The following PHF2 variants were observed in gnomAD, a reference collection of about 807,000 sequenced individuals.
The protein encoded by PHF2 is lysine-specific demethylase PHF2.
In PHF2, 27 loss-of-function variants were observed where a neutral mutation model predicts 120.5. The observed-to-expected ratio is 0.22, with a 90% CI of 0.17 to 0.31. PHF2 has a LOEUF of 0.31. Ranked by LOEUF, PHF2 falls within the 10% of genes least tolerant of loss-of-function variation. The pLI, the probability that PHF2 is intolerant of heterozygous loss-of-function variation, is 1.00. For missense variants in PHF2, 1,024 were observed against 1,434.8 expected, an observed-to-expected ratio of 0.71 and a Z score of 4.63; for synonymous variants, 568 against 592.5, an observed-to-expected ratio of 0.96 and a Z score of 0.60.
rs750218252 is a variant in PHF2, at chr9:93,620,902, C to T, written c.99-9068C>T. 2.2e-4 allele frequency among the ~76,000 whole-genome samples: 34 copies of T among 152,264 alleles called. 1 individual carries two copies. The highest frequency in any genetic ancestry group is 3.7e-4 in the Non-Finnish European group (25 of 68,042). ...TAAATGCCCAGTGTCGGCAAACAGTCTCTTCTGTGAGAACAGGATGGCCCC... is the reference window on the plus strand; with the variant it reads ...TAAATGCCCAGTGTCGGCAAACAGTTTCTTCTGTGAGAACAGGATGGCCCC... On this transcript the variant is annotated intron_variant, in intron 1 of 21. Coordinates refer to ENST00000359246, the MANE Select transcript of PHF2 (RefSeq NM_005392.4).
chr9:93,674,967 T>TA lies in PHF2; in HGVS notation c.2669dup (p.Ser891ValfsTer33). 6.2e-7 allele frequency: 1 copy of TA among 1,613,862 alleles called. No individual in the cohort carries two copies. Among genetic ancestry groups the TA allele is most frequent in the Non-Finnish European group, 8.5e-7 (1 of 1,179,934 alleles). On this transcript the variant is annotated frameshift_variant, in exon 19 of 22. Transcript: ENST00000359246. LOFTEE classifies it high-confidence loss of function. The stretch of plus-strand genomic sequence containing the variant: ...AGTCAGATGAAGACAACCCCATCTT[T>TA]AAGTCCCGGTCGAAGAAAAGGAAAG...
chr9:93,637,883 G>A (rs893279565), intron 3 of PHF2, among the ~76,000 whole-genome samples: 9 of 152,140 alleles, frequency 5.9e-5, no homozygotes, highest in Admixed American at 2.0e-4. Context: ...CAGGTTCCCC[G>A]TTTTACCTTC....
At chr9:93,619,509 C>T (rs1324214352) in intron 1 of PHF2, among the ~76,000 whole-genome samples, 3 of 152,234 alleles carry the variant, frequency 2.0e-5, no homozygotes, top group Admixed American at 1.3e-4. Context: ...TGCGGGCCTT[C>T]ACCAGGCTGG....
At chr9:93,657,861 G>A (rs1474989890) in intron 9 of PHF2, among the ~76,000 whole-genome samples, 1 of 152,166 alleles carries the variant, frequency 6.6e-6, no homozygotes, top group Non-Finnish European at 1.5e-5. Flanking sequence ...CTGGGGTATT[G>A]GGCAGAGTGA....
intron 13 of PHF2, among the ~76,000 whole-genome samples, 178 bp downstream of exon 13, chr9:93,663,204 G>GGACT (rs1487500909): frequency 6.6e-6 from 1 of 152,122 alleles, no homozygotes; most frequent in African/African-American, 2.4e-5. Flanking sequence ...GACCACCCAT[G>GGACT]GACTACATCT....
At chr9:93,661,512 T>A (rs1351776231) in intron 12 of PHF2, among the ~76,000 whole-genome samples, 1 of 152,046 alleles carries the variant, frequency 6.6e-6, no homozygotes, top group Non-Finnish European at 1.5e-5. Context: ...GTTGAATGGA[T>A]TAACGAATGG....
intron 3 of PHF2, among the ~76,000 whole-genome samples, chr9:93,641,688 C>A (rs1471363731): frequency 3.3e-5 from 5 of 152,212 alleles, no homozygotes; most frequent in African/African-American, 1.2e-4. Context: ...TTTACATATT[C>A]TAGATACTTG....
chr9:93,617,699 G>A (rs1215538217), intron 1 of PHF2, among the ~76,000 whole-genome samples: 2 of 152,170 alleles, frequency 1.3e-5, no homozygotes, highest in African/African-American at 2.4e-5. Context: ...TCCCACAATA[G>A]GCCATCTGCA....
Position 93,658,190 on chromosome 9 carries a change from G to A in PHF2, c.1193G>A (p.Gly398Glu). ...CAGCTGCCCCCTCATCTAGTCCAAG[G>A]AGCTAAAATTCTCAATGGTGCTTTC... The part of the protein sequence containing the change: ...GKQLPPHLVQ[G>E]AKILNGAFRS... Residue 398 changes from glycine to glutamate, a missense_variant, in exon 10 of 22, where the codon GGA (glycine) becomes GAA (glutamate). Gly to Glu is a moderately conservative substitution (Grantham distance 98). Around this residue, in one of 2 missense-constraint regions of PHF2, gnomAD observed 347 missense variants for 577.4 expected, o/e 0.60. Transcript: ENST00000359246. 1.2e-6 allele frequency: 2 copies of A among 1,613,368 alleles called. No homozygotes were observed. Among genetic ancestry groups the A allele is most frequent in the Non-Finnish European group, 1.7e-6 (2 of 1,179,790 alleles).
In PHF2 at chr9:93,649,222, A is replaced by G. The variant is rs1445613364; in HGVS notation, c.602+10A>G. On this transcript the variant is annotated intron_variant, in intron 5 of 21. Coordinates refer to ENST00000359246, the MANE Select transcript of PHF2 (RefSeq NM_005392.4). Reference sequence around the variant, plus strand: ...AGTTCTCTGACACCCGGTGAGTGCTACCACCCTGGGGGTGTGGGGGCTGGG... The same window carrying G: ...AGTTCTCTGACACCCGGTGAGTGCTGCCACCCTGGGGGTGTGGGGGCTGGG... 4 of 1,461,174 alleles carry G rather than the reference A, an allele frequency of 2.7e-6. No homozygotes were observed. Among genetic ancestry groups the G allele is most frequent in the Admixed American group, 2.0e-5 (1 of 49,088 alleles). 90.5% of individuals were successfully genotyped at this position (1,461,174 alleles called of 1,614,324 possible).
intron 1 of PHF2, among the ~76,000 whole-genome samples, chr9:93,612,830 G>A (rs1233807288): frequency 6.6e-6 from 1 of 152,246 alleles, no homozygotes; most frequent in Non-Finnish European, 1.5e-5. Context: ...CCACCCACCA[G>A]TGTCTCTGTG....
chr9:93,610,428 T>G (rs1017607801), intron 1 of PHF2, among the ~76,000 whole-genome samples: 2 of 152,216 alleles, frequency 1.3e-5, no homozygotes, highest in Non-Finnish European at 2.9e-5. Context: ...TACAGTGTTT[T>G]TTATTTCTAG....
At chr9:93,629,208 A>C (rs1349423103) in intron 1 of PHF2, among the ~76,000 whole-genome samples, 1 of 152,122 alleles carries the variant, frequency 6.6e-6, no homozygotes, top group South Asian at 2.1e-4. Flanking sequence ...GCCTCATGTC[A>C]CTTTTAACTA....
chr9:93,671,514 G>T (rs1392824616), intron 17 of PHF2, among the ~76,000 whole-genome samples: 9 of 132,718 alleles, frequency 6.8e-5, no homozygotes, highest in African/African-American at 2.7e-4. Flanking sequence ...GCAGGTGTGG[G>T]TGTGGATGTA....
intron 16 of PHF2, 109 bp from the exon 17 acceptor site, chr9:93,666,971 T>TA (rs1227118470): frequency 8.3e-6 from 5 of 605,878 alleles, no homozygotes; most frequent in Admixed American, 4.1e-5. Context: ...ATAAAAATGT[T>TA]AAAAAACTAG....
chr9:93,603,879 T>C (rs1450671823), intron 1 of PHF2, among the ~76,000 whole-genome samples: 1 of 152,220 alleles, frequency 6.6e-6, no homozygotes, highest in Admixed American at 6.5e-5. Flanking sequence ...CAGTGCATTC[T>C]CCTTAAATGC....
intron 17 of PHF2, chr9:93,672,600 G>A (rs1480723765): frequency 1.0e-6 from 1 of 984,474 alleles, no homozygotes; most frequent in Non-Finnish European, 1.2e-6. Context: ...GTAGATGGAG[G>A]TGTGGGTATG....
intron 16 of PHF2, among the ~76,000 whole-genome samples, chr9:93,666,267 C>T (rs1004109386): frequency 2.0e-5 from 3 of 151,912 alleles, no homozygotes; most frequent in Non-Finnish European, 2.9e-5. Flanking sequence ...CCTGGGCGTG[C>T]GAGGGGTGTG....
chr9:93,617,055 T>C (rs1462635904), intron 1 of PHF2, among the ~76,000 whole-genome samples: 3 of 152,224 alleles, frequency 2.0e-5, no homozygotes, highest in African/African-American at 7.2e-5. Flanking sequence ...GCAATCCGGT[T>C]GTGCTGTTCG....
Sources: gnomAD v4.1 joint callset for allele counts (sites outside exome capture counted in the v4.1 genomes callset) on GRCh38, gnomAD v4.1.1 for gene constraint, gnomAD v4.1.1 regional missense constraint, MANE v1.5 for transcripts, NCBI Gene and HGNC (gene_info 2026-07-23, HGNC 2026-07-21) for gene names.